JARID2: variants seen among roughly 807,000 people sequenced by gnomAD.
The protein encoded by JARID2 is protein Jumonji.
In JARID2, 21 loss-of-function variants were observed where a neutral mutation model predicts 125.6. The observed-to-expected ratio is 0.17, with a 90% confidence interval of 0.12 to 0.24. The LOEUF (loss-of-function observed/expected upper bound fraction) is 0.24. Ranked by LOEUF, JARID2 falls within the 10% of genes least tolerant of loss-of-function variation. The pLI is 1.00. For synonymous variants in JARID2, 736 were observed against 661.6 expected (o/e 1.11, Z -1.73); for missense variants, 1,303 against 1,639.6 (o/e 0.79, Z 3.55).
rs1302110266 is a variant in JARID2 at position 15,261,072 on chromosome 6, A to G, written c.45+14488A>G. Among the ~76,000 whole-genome samples the G allele has an allele frequency of 2.6e-5, 4 of 152,236 alleles. No individual in the cohort carries two copies. In the East Asian group the frequency reaches 7.7e-4, roughly 29 times the overall value. ...ATAAAGAACAGTCAGTTTACCAAGG[A>G]AGGCCATTATCTTTGACTTGCAAAG... On this transcript the variant is annotated intron_variant, in intron 1 of 17. Transcript: ENST00000341776.
At chr6:15,444,225 A>C (rs368678839) in intron 3 of JARID2, among the ~76,000 whole-genome samples, 1 of 152,284 alleles carries the variant, frequency 6.6e-6, no homozygotes. Context: ...CATTCTGGTA[A>C]ATCAAACCCT....
intron 2 of JARID2, among the ~76,000 whole-genome samples, chr6:15,378,042 A>T (rs967692367): frequency 6.6e-6 from 1 of 150,480 alleles, no homozygotes; most frequent in Non-Finnish European, 1.5e-5. Flanking sequence ...GCGCCACCAC[A>T]CCCAGCTAAT....
At chr6:15,518,371 GAC>G (rs1771666632) in intron 17 of JARID2, among the ~76,000 whole-genome samples, 6 of 152,232 alleles carry the variant, frequency 3.9e-5, no homozygotes, top group Admixed American at 3.9e-4. Flanking sequence ...GGCTGTCTGA[GAC>G]CTAATGGTTG....
chr6:15,468,678 C>T lies in JARID2; in HGVS notation c.630C>T (p.Pro210=), dbSNP rs1193264764. The T allele has an allele frequency of 1.9e-6, 3 of 1,613,688 alleles. No individual in the cohort carries two copies. Among genetic ancestry groups the T allele is most frequent in the Middle Eastern group, 1.6e-4 (1 of 6,080 alleles). Residue 210 remains proline (P), a synonymous_variant, in exon 5 of 18, where the codon CCC becomes CCT. Transcript: ENST00000341776. ...CTTCATCTTCATGCCAGTCGACCCC[C>T]AGGAAAGGAAAAACCCACAAACATG... is the stretch of plus-strand genomic sequence containing the variant. ...NNASSSCQST[P]RKGKTHKHVH...
At chr6:15,406,399 G>T (rs1322978616) in intron 2 of JARID2, among the ~76,000 whole-genome samples, 2 of 152,166 alleles carry the variant, frequency 1.3e-5, no homozygotes, top group African/African-American at 4.8e-5. Flanking sequence ...GTGCCACTGC[G>T]CTCCAGCCTC....
chr6:15,483,215 C>G (rs1050091309), intron 5 of JARID2, among the ~76,000 whole-genome samples: 16 of 152,192 alleles, frequency 1.1e-4, no homozygotes, highest in Admixed American at 5.2e-4. Context: ...AAAACTTGCA[C>G]AATCACACAA....
chr6:15,316,725 A>G (rs1762192943), intron 1 of JARID2, among the ~76,000 whole-genome samples: 1 of 151,534 alleles, frequency 6.6e-6, no homozygotes, highest in Non-Finnish European at 1.5e-5. Context: ...CTGGTCTTGA[A>G]CCCCTGACCT....
At position 15,281,409 on chromosome 6, in the gene JARID2, A is replaced by G. The variant is rs146757177; in HGVS notation, c.45+34825A>G. Among the ~76,000 whole-genome samples, 862 of 152,372 alleles carry G rather than the reference A, an allele frequency of 5.7e-3. 10 individuals carry two copies. Among genetic ancestry groups the G allele is most frequent in the African/African-American group, 0.02 (826 of 41,590 alleles). ...TGTGTGAATTCACAAACAACATTCA[A>G]GATCAGTTTCAGAAATGTTCAGAGC... On this transcript the variant is annotated intron_variant, in intron 1 of 17. Transcript: ENST00000341776.
intron 2 of JARID2, among the ~76,000 whole-genome samples, chr6:15,386,682 T>C (rs2127535795): frequency 6.6e-6 from 1 of 152,360 alleles, no homozygotes; most frequent in Admixed American, 6.5e-5. Flanking sequence ...TGCCTGTATT[T>C]TTAAGAGCTG....
chr6:15,367,385 T>C (rs750878981), intron 1 of JARID2, among the ~76,000 whole-genome samples: 7 of 152,220 alleles, frequency 4.6e-5, no homozygotes, highest in Non-Finnish European at 7.3e-5. Context: ...TGTAGGCTAG[T>C]AATAGAAAAT....
chr6:15,405,118 C>T (rs1360894245), intron 2 of JARID2, among the ~76,000 whole-genome samples: 4 of 152,128 alleles, frequency 2.6e-5, no homozygotes, highest in Non-Finnish European at 4.4e-5. Context: ...TTCAATTTTC[C>T]CAACGCCCAT....
chr6:15,506,953 G>T (rs190300125), intron 9 of JARID2, among the ~76,000 whole-genome samples, 183 bp from the exon 10 acceptor site: 8 of 152,326 alleles, frequency 5.3e-5, no homozygotes, highest in Admixed American at 5.2e-4. Flanking sequence ...CTGAGGATAT[G>T]CCTGGAGGTG....
intron 1 of JARID2, chr6:15,248,942 CGGAGCG>C: frequency 1.0e-6 from 1 of 985,692 alleles, no homozygotes; most frequent in Non-Finnish European, 1.2e-6. Context: ...CCTTCCGCTC[CGGAGCG>C]TCGCGCTTCC....
At chr6:15,324,343 C>T (rs2127445863) in intron 1 of JARID2, 1 of 151,994 alleles carries the variant, frequency 6.6e-6, no homozygotes, top group Non-Finnish European at 1.5e-5. Context: ...ATAATTTTTT[C>T]CCCCACATTT....
Position 15,424,533 on chromosome 6 carries a change from T to C in JARID2, c.323+14168T>C, listed in dbSNP as rs6937449. Among the ~76,000 whole-genome samples the C allele has an allele frequency of 7.2e-3, 1,097 of 152,172 alleles. 14 individuals carry two copies. Among genetic ancestry groups the C allele is most frequent in the African/African-American group, 0.025 (1,043 of 41,508 alleles). ...AGTCAGTTATCTGAAAGAAGAGCAA[T>C]TTTGCAGAGTGGCTCTGTTGATGTT... On this transcript the variant is annotated intron_variant, in intron 3 of 17. Coordinates refer to ENST00000341776, the MANE Select transcript of JARID2 (RefSeq NM_004973.4).
chr6:15,277,522 T>C (rs556167515), intron 1 of JARID2, among the ~76,000 whole-genome samples: 1 of 152,296 alleles, frequency 6.6e-6, no homozygotes, highest in East Asian at 1.9e-4. Context: ...CTATCCTGGG[T>C]AAGGTTTCTC....
chr6:15,519,212 A>C (rs1286486550), intron 17 of JARID2, among the ~76,000 whole-genome samples: 2 of 152,242 alleles, frequency 1.3e-5, no homozygotes, highest in African/African-American at 4.8e-5. Context: ...GTAGCCGCCT[A>C]AATGGGTTTT....
At chr6:15,256,259 G>A (rs528874513) in intron 1 of JARID2, among the ~76,000 whole-genome samples, 1 of 152,302 alleles carries the variant, frequency 6.6e-6, no homozygotes, top group South Asian at 2.1e-4. Context: ...CAAGCTGATA[G>A]CAAGTAGCAG....
chr6:15,251,157 A>G (rs1759434058), intron 1 of JARID2, among the ~76,000 whole-genome samples: 1 of 151,818 alleles, frequency 6.6e-6, no homozygotes, highest in Non-Finnish European at 1.5e-5. Context: ...GATTACAGGC[A>G]CCCCCTATCA....
Sources: gnomAD v4.1 joint callset for allele counts (sites outside exome capture counted in the v4.1 genomes callset) on GRCh38, gnomAD v4.1.1 for gene constraint, MANE v1.5 for transcripts, NCBI Gene and HGNC (gene_info 2026-07-23, HGNC 2026-07-21) for gene names.